The following CDH3 variants were observed in gnomAD, a reference collection of about 807,000 sequenced individuals.
The protein encoded by CDH3 is cadherin-3.
CDH3 carries 54 observed loss-of-function variants against 82.0 expected under a neutral mutation model. The ratio of observed to expected loss-of-function variants is 0.66; its 90% CI spans 0.53 to 0.83. The LOEUF (loss-of-function observed/expected upper bound fraction) is 0.83. Ranked by LOEUF, CDH3 falls within the 40% of genes least tolerant of loss-of-function variation. CDH3 has a pLI of 0.00. For missense variants in CDH3, 1,054 were observed against 1,084.6 expected (o/e 0.97, Z 0.40); for synonymous variants, 446 against 437.9 (o/e 1.02, Z -0.23).
chr16:68,699,064 C>T lies in CDH3; in HGVS notation c.*664C>T, dbSNP rs573867580. ...AGGTGCCTGGGGAGTGAACTGTTTTCTAAATAGAAGGTTTATTGGCATCTA... is the reference window on the plus strand; with the variant it reads ...AGGTGCCTGGGGAGTGAACTGTTTTTTAAATAGAAGGTTTATTGGCATCTA... On this transcript the variant is annotated 3_prime_UTR_variant, in exon 16 of 16. Transcript: ENST00000264012. The T allele has an allele frequency of 6.6e-6, 1 of 152,430 alleles. No homozygotes were observed. The highest frequency in any genetic ancestry group is 2.1e-4 in the South Asian group (1 of 4,822). The allele number at this position is 152,430 out of a possible 1,614,324, so 9.4% of individuals were successfully genotyped here.
At chr16:68,684,444 A>G in intron 9 of CDH3, 139 bp from the exon 10 acceptor site, 3 of 959,456 alleles carry the variant, frequency 3.1e-6, no homozygotes, top group Admixed American at 3.4e-5. Context: ...TGTTTATGTT[A>G]CAGAGAAAGG....
chr16:68,695,532 C>A, intron 14 of CDH3, 147 bp downstream of exon 14: 1 of 902,540 alleles, frequency 1.1e-6, no homozygotes, highest in Non-Finnish European at 1.7e-6. Context: ...TCCTCCAGCA[C>A]TTCTCTGGTC....
At chr16:68,729,641 TTTA>T (rs1219009181), downstream of CDH3, among the ~76,000 whole-genome samples, 1 of 152,088 alleles carries the variant, frequency 6.6e-6, no homozygotes, top group Admixed American at 6.6e-5. Flanking sequence ...AACACATTTT[TTTA>T]TTTGTCTGAG....
chr16:68,687,533 C>G lies in CDH3; in HGVS notation c.1592C>G (p.Thr531Arg). The G allele has an allele frequency of 6.2e-7, 1 of 1,614,064 alleles. No homozygotes were observed. Among genetic ancestry groups the G allele is most frequent in the South Asian group, 1.1e-5 (1 of 91,082 alleles). The change falls in exon 12 of 16, where the codon ACG (threonine) becomes AGG (arginine). Residue 531 changes from threonine to arginine, a missense_variant. By Grantham distance (71) the Thr-to-Arg change is moderately conservative. Coordinates refer to ENST00000264012, the MANE Select transcript of CDH3 (RefSeq NM_001793.6). ...MDNGSPPTTG[T>R]GTLLLTLIDV... is the part of the protein sequence containing the mutation. Reference sequence around the variant, plus strand: ...ACAGGAAGCCCTCCCACCACTGGCACGGGAACCCTTCTGCTAACACTGATT... The same window carrying G: ...ACAGGAAGCCCTCCCACCACTGGCAGGGGAACCCTTCTGCTAACACTGATT...
At chr16:68,671,590 C>T (rs533755629) in intron 2 of CDH3, among the ~76,000 whole-genome samples, 3 of 141,806 alleles carry the variant, frequency 2.1e-5, no homozygotes, top group South Asian at 2.3e-4. Context: ...GGTGCGATCT[C>T]GGCTTACTGC....
intron 2 of CDH3, among the ~76,000 whole-genome samples, chr16:68,646,510 C>T (rs199755577): frequency 1.1e-4 from 16 of 140,066 alleles, no homozygotes; most frequent in African/African-American, 4.1e-4. Context: ...CTACCCCCCC[C>T]CTCCCCGCCC....
At chr16:68,675,081 C>G (rs112709361) in intron 2 of CDH3, among the ~76,000 whole-genome samples, 10 of 152,020 alleles carry the variant, frequency 6.6e-5, no homozygotes, top group African/African-American at 2.4e-4. Context: ...CCACTGCACT[C>G]CAGCCTGGGT....
chr16:68,709,874 C>T (rs1391657040), intron 1 of CDH3, among the ~76,000 whole-genome samples: 1 of 152,218 alleles, frequency 6.6e-6, no homozygotes, highest in East Asian at 1.9e-4. Flanking sequence ...TCCATGGAGT[C>T]CTCCCAGATA....
At chr16:68,673,524 T>A (rs1960947617) in intron 2 of CDH3, among the ~76,000 whole-genome samples, 1 of 151,582 alleles carries the variant, frequency 6.6e-6, no homozygotes, top group South Asian at 2.1e-4. Context: ...AGTGGCGCAG[T>A]CATGGCTCAC....
chr16:68,708,532 G>T (rs1376839071), intron 1 of CDH3, among the ~76,000 whole-genome samples: 1 of 152,174 alleles, frequency 6.6e-6, no homozygotes, highest in African/African-American at 2.4e-5. Context: ...CAGCCTGTCA[G>T]AGATGCCAGC....
chr16:68,691,861 C>T lies in CDH3; in HGVS notation c.1937C>T (p.Thr646Ile). The T allele has an allele frequency of 6.2e-7, 1 of 1,614,126 alleles. No homozygotes were observed. Among genetic ancestry groups the T allele is most frequent in the Non-Finnish European group, 8.5e-7 (1 of 1,180,024 alleles). The change falls in exon 13 of 16, where the codon ACC (threonine) becomes ATC (isoleucine). Residue 646 changes from threonine to isoleucine, a missense_variant. Coordinates refer to ENST00000264012, the MANE Select transcript of CDH3 (RefSeq NM_001793.6). The stretch of plus-strand genomic sequence containing the variant: ...TGCGACTGCCATGGCCATGTCGAAA[C>T]CTGCCCTGGACCCTGGAAGGGAGGT... ...TVCDCHGHVE[T>I]CPGPWKGGFI...
At chr16:68,664,107 C>T (rs1960673600) in intron 2 of CDH3, among the ~76,000 whole-genome samples, 1 of 152,070 alleles carries the variant, frequency 6.6e-6, no homozygotes, top group Non-Finnish European at 1.5e-5. Flanking sequence ...AGCCCAGGCA[C>T]TCTGGCTCCA....
At chr16:68,723,142 C>T (rs916467841) in intron 2 of CDH3, among the ~76,000 whole-genome samples, 7 of 151,154 alleles carry the variant, frequency 4.6e-5, no homozygotes, top group East Asian at 1.9e-4. Flanking sequence ...AATAATATAG[C>T]GAATAATTAT....
intron 2 of CDH3, among the ~76,000 whole-genome samples, chr16:68,648,828 A>G (rs1277623209): frequency 6.6e-6 from 1 of 151,236 alleles, no homozygotes; most frequent in Non-Finnish European, 1.5e-5. Context: ...CACAGCTATT[A>G]ATAACAAGCT....
chr16:68,731,349 C>T (rs1292046029), downstream of CDH3, among the ~76,000 whole-genome samples: 1 of 75,586 alleles, frequency 1.3e-5, no homozygotes, highest in Non-Finnish European at 2.4e-5. Flanking sequence ...GCCTGGGCAA[C>T]AAGAGTGAAA....
At chr16:68,688,386 G>A (rs1487911422) in intron 12 of CDH3, among the ~76,000 whole-genome samples, 2 of 151,926 alleles carry the variant, frequency 1.3e-5, no homozygotes, top group African/African-American at 2.4e-5. Context: ...TCAGGAGTTC[G>A]AGACCAGCCT....
At chr16:68,697,469 G>T (rs1961764384) in intron 15 of CDH3, among the ~76,000 whole-genome samples, 1 of 152,158 alleles carries the variant, frequency 6.6e-6, no homozygotes, top group African/African-American at 2.4e-5. Context: ...TGCTGTAGAA[G>T]ACTTCAAGGA....
rs1961825610 is a variant in CDH3, at chr16:68,698,782, T to G, written c.*382T>G. The G allele has an allele frequency of 4.8e-6, 1 of 206,962 alleles. No homozygotes were observed. The highest frequency in any genetic ancestry group is 9.7e-6 in the Non-Finnish European group (1 of 102,810). 12.8% of individuals were successfully genotyped at this position (206,962 alleles called of 1,614,324 possible). A position where few individuals can be genotyped will look rare whatever the true frequency, so the allele number is the denominator to read the frequency against. On this transcript the variant is annotated 3_prime_UTR_variant, in exon 16 of 16. Coordinates refer to ENST00000264012, the MANE Select transcript of CDH3 (RefSeq NM_001793.6). ...GGCCTCCTGGTGCAACTTAATTTTT[T>G]TTTTTAATGCTATCTTCAAAACGTT...
chr16:68,693,923 C>G (rs147645649), intron 13 of CDH3, among the ~76,000 whole-genome samples: 1 of 152,252 alleles, frequency 6.6e-6, no homozygotes, highest in Non-Finnish European at 1.5e-5. Flanking sequence ...AGCCTGCCAG[C>G]CTTTCAGACC....
Sources: gnomAD v4.1 joint callset for allele counts (sites outside exome capture counted in the v4.1 genomes callset) on GRCh38, gnomAD v4.1.1 for gene constraint, MANE v1.5 for transcripts, NCBI Gene and HGNC (gene_info 2026-07-23, HGNC 2026-07-21) for gene names.